Variants in TBCEL observed in about 807,000 individuals in gnomAD.
TBCEL encodes the protein tubulin-specific chaperone cofactor E-like protein.
In TBCEL, 15 loss-of-function variants were observed where a neutral mutation model predicts 44.2. The observed-to-expected ratio is 0.34, with a 90% CI of 0.23 to 0.52. The LOEUF is 0.52. Ranked by LOEUF, TBCEL falls within the 20% of genes least tolerant of loss-of-function variation. The probability of loss-of-function intolerance (pLI) is 0.95; values close to 1 mark genes in which losing one functional copy is unlikely to be tolerated. For missense variants in TBCEL, 319 were observed against 506.3 expected, an observed-to-expected ratio of 0.63 and a Z score of 3.55; for synonymous variants, 171 against 185.4, an observed-to-expected ratio of 0.92 and a Z score of 0.63.
intron 8 of TBCEL, among the ~76,000 whole-genome samples, chr11:121,062,209 A>T (rs892792399): frequency 1.3e-4 from 20 of 152,190 alleles, no homozygotes; most frequent in Admixed American, 2.6e-4. Flanking sequence ...GGGCAGTGAC[A>T]TATATGGAGT....
Position 121,086,912 on chromosome 11 carries a change from C to CA in TBCEL, c.1092dup (p.Val365SerfsTer25). ...GAAATGAGCATTCGTCTGGACCAAA[C>CA]AGTGGCAGAACTAAAGAAACAGTTA... On this transcript the variant is annotated frameshift_variant, in exon 9 of 9. Transcript: ENST00000683345. LOFTEE classifies it high-confidence loss of function. 6.2e-7 allele frequency: 1 copy of CA among 1,614,092 alleles called. No homozygotes were observed. Among genetic ancestry groups the CA allele is most frequent in the Non-Finnish European group, 8.5e-7 (1 of 1,179,996 alleles).
chr11:121,047,717 G>T (rs1321089447), intron 4 of TBCEL, 50 bp downstream of exon 4: 1 of 1,596,668 alleles, frequency 6.3e-7, no homozygotes, highest in Non-Finnish European at 8.5e-7. Flanking sequence ...AATAACCATT[G>T]TGTCATTGTT....
At chr11:121,031,288 C>A (rs1945138808) in intron 1 of TBCEL, among the ~76,000 whole-genome samples, 1 of 152,150 alleles carries the variant, frequency 6.6e-6, no homozygotes, top group African/African-American at 2.4e-5. Flanking sequence ...GTGTTTGTAC[C>A]AGTTGATACT....
chr11:121,056,091 A>G (rs939353913), intron 6 of TBCEL, among the ~76,000 whole-genome samples: 1 of 151,798 alleles, frequency 6.6e-6, no homozygotes, highest in African/African-American at 2.4e-5. Flanking sequence ...CCATTGTAGT[A>G]ACATTCAGAA....
At chr11:121,040,699 A>G (rs1014037280) in intron 2 of TBCEL, among the ~76,000 whole-genome samples, 6 of 152,288 alleles carry the variant, frequency 3.9e-5, no homozygotes, top group African/African-American at 1.4e-4. Context: ...TAAAAATAGA[A>G]ATATTATAAT....
At position 121,047,617 on chromosome 11, in the gene TBCEL, C is replaced by T; in HGVS notation, c.223C>T (p.His75Tyr). 6.2e-7 allele frequency: 1 copy of T among 1,612,702 alleles called. No individual in the cohort carries two copies. The highest frequency in any genetic ancestry group is 8.5e-7 in the Non-Finnish European group (1 of 1,179,200). Reference protein sequence around the residue: ...DEKEIAAFCAHVSELDLSDNK... With the variant: ...DEKEIAAFCAYVSELDLSDNK... ...AAAAGAAATTGCTGCTTTCTGCGCT[C>T]ATGTGTCGGAACTAGATCTTTCTGA... The change falls in exon 4 of 9, where the codon CAT becomes TAT. Residue 75 changes from histidine to tyrosine, a missense_variant. Coordinates refer to ENST00000683345, the MANE Select transcript of TBCEL (RefSeq NM_001363644.2).
At chr11:121,081,826 G>A (rs1309929385) in intron 8 of TBCEL, among the ~76,000 whole-genome samples, 1 of 152,002 alleles carries the variant, frequency 6.6e-6, no homozygotes, top group Non-Finnish European at 1.5e-5. Flanking sequence ...ACTTTTAAGG[G>A]AACATATATA....
At chr11:121,067,015 G>A (rs546391211) in intron 8 of TBCEL, among the ~76,000 whole-genome samples, 1 of 152,178 alleles carries the variant, frequency 6.6e-6, no homozygotes, top group Non-Finnish European at 1.5e-5. Context: ...TTCCTAGCTC[G>A]GTTCCCCGAG....
chr11:121,053,796 C>G (rs1023618127), intron 5 of TBCEL, 64 bp downstream of exon 5: 2 of 1,503,758 alleles, frequency 1.3e-6, no homozygotes, highest in African/African-American at 2.8e-5. Flanking sequence ...CATAGGAGTA[C>G]TGCTGATCTC....
At chr11:121,047,471 A>G (rs1371561142) in intron 3 of TBCEL, 57 bp from the exon 4 acceptor site, 3 of 1,600,020 alleles carry the variant, frequency 1.9e-6, no homozygotes, top group African/African-American at 1.3e-5. Context: ...GGGGCTGAAC[A>G]TATGTAGACA....
At chr11:121,059,462 T>G (rs1440406793) in intron 7 of TBCEL, among the ~76,000 whole-genome samples, 5 of 151,902 alleles carry the variant, frequency 3.3e-5, no homozygotes, top group Non-Finnish European at 1.5e-5. Flanking sequence ...ATGTCTTGTC[T>G]GAATTGAAAT....
At chr11:121,079,292 G>A (rs1946083680) in intron 8 of TBCEL, among the ~76,000 whole-genome samples, 2 of 152,124 alleles carry the variant, frequency 1.3e-5, no homozygotes, top group African/African-American at 4.8e-5. Flanking sequence ...TGAATTTTTA[G>A]GACTCCCCAA....
At chr11:121,044,811 C>T (rs1448203814) in intron 2 of TBCEL, among the ~76,000 whole-genome samples, 1 of 152,072 alleles carries the variant, frequency 6.6e-6, no homozygotes, top group Non-Finnish European at 1.5e-5. Flanking sequence ...AGAAAGGACT[C>T]TACCCAAACT....
chr11:121,037,430 AGATACTTCAG>A (rs1945251431), intron 2 of TBCEL, among the ~76,000 whole-genome samples: 1 of 152,216 alleles, frequency 6.6e-6, no homozygotes, highest in African/African-American at 2.4e-5. Context: ...TCACAGGTAT[AGATACTTCAG>A]GATAAATGAA....
chr11:121,080,425 C>T (rs1303278374), intron 8 of TBCEL, among the ~76,000 whole-genome samples: 2 of 152,086 alleles, frequency 1.3e-5, no homozygotes, highest in African/African-American at 4.8e-5. Context: ...CCCATTGTTG[C>T]GTAGCCACCT....
intron 4 of TBCEL, chr11:121,048,046 T>G (rs572728081): frequency 6.3e-6 from 1 of 157,836 alleles, no homozygotes; most frequent in Admixed American, 6.3e-5. Context: ...TTTTTCATTG[T>G]TCATTTGTTT....
chr11:121,079,309 G>GTGA (rs1264701598), intron 8 of TBCEL, among the ~76,000 whole-genome samples: 1 of 152,174 alleles, frequency 6.6e-6, no homozygotes, highest in African/African-American at 2.4e-5. Flanking sequence ...CCAAGTGTAG[G>GTGA]TGATAATAAG....
In TBCEL at chr11:121,024,136, G is replaced by C. The variant is rs1379069615; in HGVS notation, c.-281G>C. 3 of 153,088 alleles carry C rather than the reference G, an allele frequency of 2.0e-5. No homozygotes were observed. The highest frequency in any genetic ancestry group is 7.2e-5 in the African/African-American group (3 of 41,472). 9.5% of individuals were successfully genotyped at this position (153,088 alleles called of 1,614,324 possible). On this transcript the variant is annotated 5_prime_UTR_variant, in exon 1 of 9. Transcript: ENST00000683345. ...TCAATGCAGGACACTGGGCTCCGGC[G>C]GCCAGAGTGGGGGACTAGGTGAAGC...
At chr11:121,081,098 C>T (rs1313140965) in intron 8 of TBCEL, among the ~76,000 whole-genome samples, 1 of 152,186 alleles carries the variant, frequency 6.6e-6, no homozygotes, top group Non-Finnish European at 1.5e-5. Flanking sequence ...GCTTTTCTCT[C>T]AGTGGGTGTT....
Sources: allele counts gnomAD v4.1 joint callset (sites outside exome capture counted in the v4.1 genomes callset), GRCh38; gene constraint gnomAD v4.1.1; transcripts MANE v1.5; gene names NCBI Gene and HGNC (gene_info 2026-07-23, HGNC 2026-07-21).